CTNNA1: variants seen among roughly 807,000 people sequenced by gnomAD.
CTNNA1 encodes catenin alpha-1.
CTNNA1 carries 37 observed loss-of-function variants against 98.4 expected under a neutral mutation model. The observed-to-expected ratio is 0.38, with a 90% CI of 0.29 to 0.49. The LOEUF is 0.49. CTNNA1 is among the 20% of genes least tolerant of loss of function. CTNNA1 has a pLI of 0.95. For synonymous variants in CTNNA1, 404 were observed against 413.2 expected (o/e 0.98, Z 0.27); for missense variants, 761 against 1,147.2 (o/e 0.66, Z 4.86).
chr5:138,893,127 G>C (rs970582232), intron 9 of CTNNA1, among the ~76,000 whole-genome samples: 1 of 152,150 alleles, frequency 6.6e-6, no homozygotes, highest in Admixed American at 6.5e-5. Flanking sequence ...TTTTGTCCCA[G>C]CTCTCCTCTG....
chr5:138,927,667 C>T (rs1764394750), intron 13 of CTNNA1, among the ~76,000 whole-genome samples: 1 of 151,992 alleles, frequency 6.6e-6, no homozygotes, highest in African/African-American at 2.4e-5. Context: ...GTCTGTTTGT[C>T]ACTTTGTATC....
In CTNNA1 at chr5:138,875,058, G is replaced by A. The variant is rs970172265; in HGVS notation, c.1063-11154G>A. 4.1e-6 allele frequency: 3 copies of A among 729,032 alleles called. No homozygotes were observed. In the African/African-American group the frequency reaches 5.4e-5, roughly 13 times the overall value. The allele number at this position is 729,032 out of a possible 1,614,324, so 45.2% of individuals were successfully genotyped here. The stretch of plus-strand genomic sequence containing the variant: ...TTCCAAGTAAAATTGAATCCACCAG[G>A]ACGAGTTGTTTTTTCCTTAGGATAT... On this transcript the variant is annotated intron_variant, in intron 7 of 17. Transcript: ENST00000302763.
intron 10 of CTNNA1, among the ~76,000 whole-genome samples, chr5:138,917,154 A>C (rs1473921505): frequency 6.6e-6 from 1 of 152,264 alleles, no homozygotes; most frequent in Non-Finnish European, 1.5e-5. Context: ...TTAAAAAGAA[A>C]ATGAAAAATA....
intron 10 of CTNNA1, among the ~76,000 whole-genome samples, chr5:138,916,692 T>G (rs1761858937): frequency 6.6e-6 from 1 of 152,054 alleles, no homozygotes; most frequent in Non-Finnish European, 1.5e-5. Flanking sequence ...CCAGCTCATT[T>G]TCTTTATTGT....
At position 138,776,475 on chromosome 5, in the gene CTNNA1, A is replaced by C. The variant is rs574277271; in HGVS notation, c.-2-5448A>C. 1.2e-3 allele frequency among the ~76,000 whole-genome samples: 180 copies of C among 152,316 alleles called. 2 individuals carry two copies. In the East Asian group the frequency reaches 0.014, roughly 11 times the overall value. ...CACAGACACGGCAACCATCCGATTTATCAATCCTTTGCCCGCCTTTCCCCC... is the reference window on the plus strand; with the variant it reads ...CACAGACACGGCAACCATCCGATTTCTCAATCCTTTGCCCGCCTTTCCCCC... On this transcript the variant is annotated intron_variant, in intron 1 of 17. Coordinates refer to ENST00000302763, the MANE Select transcript of CTNNA1 (RefSeq NM_001903.5).
chr5:138,858,360 C>T (rs1432809595), intron 7 of CTNNA1, among the ~76,000 whole-genome samples: 3 of 151,896 alleles, frequency 2.0e-5, no homozygotes, highest in African/African-American at 7.3e-5. Context: ...CTCCTGGGCT[C>T]GAGTGATCCT....
At chr5:138,862,572 A>G (rs938638902) in intron 7 of CTNNA1, among the ~76,000 whole-genome samples, 1 of 152,202 alleles carries the variant, frequency 6.6e-6, no homozygotes, top group Non-Finnish European at 1.5e-5. Flanking sequence ...ATTCAGAAGG[A>G]ATTTTTGAGT....
Position 138,910,226 on chromosome 5 carries a change from CTTTTTTTTTTTTTTT to C in CTNNA1, c.1389+5798_1389+5812del, listed in dbSNP as rs70982740. 4.0e-3 allele frequency among the ~76,000 whole-genome samples: 211 copies of C among 53,298 alleles called. 3 individuals carry two copies. The East Asian group carries it at 0.11, about 27-fold the overall frequency. 35.0% of individuals were successfully genotyped at this position (53,298 alleles called of 152,430 possible). A position where few individuals can be genotyped will look rare whatever the true frequency, so the allele number is the denominator to read the frequency against. ...AAATTGGAAAGTGTTTCCTACTTTTCTTTTTTTTTTTTTTTTTTTTTTTTTTTGGAAAAATCTGTG... is the reference window on the plus strand; with the variant it reads ...AAATTGGAAAGTGTTTCCTACTTTTCTTTTTTTTTTTTGGAAAAATCTGTG... On this transcript the variant is annotated intron_variant, in intron 10 of 17. Transcript: ENST00000302763.
intron 10 of CTNNA1, among the ~76,000 whole-genome samples, chr5:138,905,111 A>AAAATACATACATACATAC (rs1554105203): frequency 1.4e-4 from 20 of 139,260 alleles, no homozygotes; most frequent in African/African-American, 5.2e-4. Context: ...AAAAAAAAAA[A>AAAATACATACATACATAC]ATACATACAT....
chr5:138,869,004 A>C, intron 7 of CTNNA1: 1 of 143,538 alleles, frequency 7.0e-6, no homozygotes, highest in Admixed American at 7.1e-5. Flanking sequence ...CTCCCAAAAC[A>C]CCCTGCATAA....
chr5:138,868,255 A>T (rs1342635745), intron 7 of CTNNA1, among the ~76,000 whole-genome samples: 1 of 152,244 alleles, frequency 6.6e-6, no homozygotes, highest in Non-Finnish European at 1.5e-5. Flanking sequence ...GTCAAAAGTT[A>T]TGCAGATTTT....
intron 3 of CTNNA1, among the ~76,000 whole-genome samples, chr5:138,788,953 A>AG (rs1756026739): frequency 6.6e-6 from 1 of 152,180 alleles, no homozygotes; most frequent in Admixed American, 6.5e-5. Flanking sequence ...GGGTCAGTGA[A>AG]GGGGGAGAAG....
At chr5:138,858,376 C>G (rs1763921725) in intron 7 of CTNNA1, among the ~76,000 whole-genome samples, 2 of 152,082 alleles carry the variant, frequency 1.3e-5, no homozygotes, top group South Asian at 4.2e-4. Flanking sequence ...ATCCTCCCAC[C>G]TTGGCTTCCC....
chr5:138,769,463 A>C (rs1181755289), intron 1 of CTNNA1, among the ~76,000 whole-genome samples: 1 of 151,888 alleles, frequency 6.6e-6, no homozygotes. Context: ...ATCTCGGCTC[A>C]CTGCAACCTC....
At chr5:138,785,646 C>T (rs825763) in intron 3 of CTNNA1, among the ~76,000 whole-genome samples, 99,143 of 152,034 alleles carry the variant, frequency 0.65, 33,065 homozygotes, top group East Asian at 0.93. Flanking sequence ...CCGCAACCTC[C>T]ACCTCCTGGG....
intron 3 of CTNNA1, among the ~76,000 whole-genome samples, chr5:138,793,662 C>G (rs906660732): frequency 1.3e-5 from 2 of 152,174 alleles, no homozygotes; most frequent in Non-Finnish European, 2.9e-5. Context: ...AACATGATTT[C>G]TACTAGTTAA....
chr5:138,861,209 C>CG (rs1174259492), intron 7 of CTNNA1, among the ~76,000 whole-genome samples: 1 of 152,002 alleles, frequency 6.6e-6, no homozygotes, highest in African/African-American at 2.4e-5. Context: ...TTAGTAGAGA[C>CG]GGGGTTTCAC....
At chr5:138,854,433 A>G (rs1242341503) in intron 7 of CTNNA1, among the ~76,000 whole-genome samples, 1 of 152,164 alleles carries the variant, frequency 6.6e-6, no homozygotes, top group African/African-American at 2.4e-5. Flanking sequence ...TTTCCCCCCA[A>G]CTGAACACAT....
At chr5:138,869,480 GAA>G (rs1164341271) in intron 7 of CTNNA1, 1 of 151,736 alleles carries the variant, frequency 6.6e-6, no homozygotes, top group Non-Finnish European at 1.5e-5. Flanking sequence ...CCTGTATTAG[GAA>G]AACGATCATG....
Sources: allele counts gnomAD v4.1 joint callset (sites outside exome capture counted in the v4.1 genomes callset), GRCh38; gene constraint gnomAD v4.1.1; transcripts MANE v1.5; gene names NCBI Gene and HGNC (gene_info 2026-07-23, HGNC 2026-07-21).